WDR45B: variants seen among roughly 807,000 people sequenced by gnomAD.
WDR45B encodes the protein WD repeat domain phosphoinositide-interacting protein 3.
Under a neutral mutation model 44.6 loss-of-function variants are expected in WDR45B, and 20 were observed. That is an observed-to-expected ratio of 0.45 (90% CI 0.32 to 0.65). WDR45B has a LOEUF of 0.65. Ranked by LOEUF, WDR45B falls within the 30% of genes least tolerant of loss-of-function variation. The pLI, the probability that WDR45B is intolerant of heterozygous loss-of-function variation, is 0.05. For missense variants in WDR45B, 323 were observed against 430.2 expected (o/e 0.75, Z 2.20); for synonymous variants, 169 against 164.9 (o/e 1.02, Z -0.19).
At chr17:82,645,383 T>C (rs908395517) in intron 1 of WDR45B, among the ~76,000 whole-genome samples, 2 of 150,604 alleles carry the variant, frequency 1.3e-5, no homozygotes, top group East Asian at 2.0e-4. Flanking sequence ...AAATCCTCAA[T>C]AGAAAAATGG....
intron 4 of WDR45B, 172 bp downstream of exon 4, chr17:82,627,032 C>A: frequency 1.4e-6 from 1 of 693,360 alleles, no homozygotes. Context: ...CAATTCGCTG[C>A]CTTTCTTGCA....
At chr17:82,625,363 C>A in intron 5 of WDR45B, 26 bp downstream of exon 5, 1 of 1,609,406 alleles carries the variant, frequency 6.2e-7, no homozygotes, top group Non-Finnish European at 8.5e-7. Flanking sequence ...CATTTCCCAT[C>A]GCCACCCGTC....
rs1345042257 is a variant in WDR45B, at chr17:82,615,241, T to G, written c.*678A>C. 1.3e-5 allele frequency: 2 copies of G among 155,226 alleles called. No individual in the cohort carries two copies. The highest frequency in any genetic ancestry group is 2.9e-5 in the Non-Finnish European group (2 of 69,954). 9.6% of individuals were successfully genotyped at this position (155,226 alleles called of 1,614,324 possible). ...CTTCTAGAGTGGCCTGGTGTCTGCC[T>G]CATTCTAATGGCCCCAACGGAGACG... On this transcript the variant is annotated 3_prime_UTR_variant, in exon 10 of 10. Transcript: ENST00000392325.
intron 2 of WDR45B, among the ~76,000 whole-genome samples, chr17:82,637,822 G>T (rs2045854769): frequency 6.6e-6 from 1 of 151,878 alleles, no homozygotes. Context: ...CATGATATCA[G>T]CATTCCTTTC....
intron 3 of WDR45B, among the ~76,000 whole-genome samples, chr17:82,630,501 T>C (rs1185291437): frequency 1.3e-5 from 2 of 152,066 alleles, no homozygotes; most frequent in African/African-American, 4.8e-5. Flanking sequence ...ACACACGTAC[T>C]CCCACTCCGA....
chr17:82,642,598 A>C (rs1406841046), intron 2 of WDR45B, among the ~76,000 whole-genome samples: 1 of 152,220 alleles, frequency 6.6e-6, no homozygotes, highest in African/African-American at 2.4e-5. Context: ...GCCCAGACTC[A>C]TGCATGGTGG....
chr17:82,645,639 G>T (rs1046793717), intron 1 of WDR45B, among the ~76,000 whole-genome samples: 1 of 151,980 alleles, frequency 6.6e-6, no homozygotes, highest in African/African-American at 2.4e-5. Flanking sequence ...TCTACTCCTA[G>T]GTATATAGAA....
intron 1 of WDR45B, among the ~76,000 whole-genome samples, chr17:82,645,608 ACTAT>A (rs1418707936): frequency 6.6e-6 from 1 of 152,158 alleles, no homozygotes; most frequent in African/African-American, 2.4e-5. Flanking sequence ...AACTATTTGT[ACTAT>A]CTACTATACT....
At position 82,615,536 on chromosome 17, in the gene WDR45B, A is replaced by G. The variant is rs750683641; in HGVS notation, c.*383T>C. ...ACTCCCCCGCTGCAGACTCAGTAAG[A>G]ACGACGGAATCTGCTGCAAAAACAA... is the stretch of plus-strand genomic sequence containing the variant. On this transcript the variant is annotated 3_prime_UTR_variant, in exon 10 of 10. Transcript: ENST00000392325. 6.5e-6 allele frequency: 2 copies of G among 308,334 alleles called. No homozygotes were observed. The highest frequency in any genetic ancestry group is 6.3e-6 in the Non-Finnish European group (1 of 158,132). 19.1% of individuals were successfully genotyped at this position (308,334 alleles called of 1,614,324 possible).
At chr17:82,617,163 AT>A in intron 8 of WDR45B, 132 bp downstream of exon 8, 1 of 805,146 alleles carries the variant, frequency 1.2e-6, no homozygotes, top group South Asian at 1.5e-5. Flanking sequence ...AATGAAAAAG[AT>A]TTCAGCGCTG....
intron 7 of WDR45B, among the ~76,000 whole-genome samples, chr17:82,617,755 C>A (rs560519835): frequency 5.9e-5 from 9 of 152,290 alleles, no homozygotes; most frequent in African/African-American, 1.9e-4. Flanking sequence ...ACATTCTCTC[C>A]AATGATCCTG....
At chr17:82,636,623 A>G (rs1016522403) in intron 2 of WDR45B, 6 of 152,086 alleles carry the variant, frequency 3.9e-5, no homozygotes, top group African/African-American at 1.5e-4. Flanking sequence ...TACAAAGGAT[A>G]TTCGTTGTTA....
intron 2 of WDR45B, among the ~76,000 whole-genome samples, chr17:82,643,359 G>T (rs1441529856): frequency 6.6e-6 from 1 of 152,058 alleles, no homozygotes. Context: ...CTTGAACCCG[G>T]GAGGCGGAGG....
intron 2 of WDR45B, among the ~76,000 whole-genome samples, chr17:82,642,812 G>A (rs1004717824): frequency 6.6e-6 from 1 of 152,152 alleles, no homozygotes; most frequent in Non-Finnish European, 1.5e-5. Flanking sequence ...TGGCTGGGGG[G>A]TTTTTCCCAC....
intron 1 of WDR45B, among the ~76,000 whole-genome samples, chr17:82,644,948 G>A (rs2045957933): frequency 1.3e-5 from 2 of 152,026 alleles, no homozygotes; most frequent in African/African-American, 2.4e-5. Context: ...ATCACCTGAG[G>A]TCAGGAGTTC....
At chr17:82,630,491 A>G (rs779637167) in intron 3 of WDR45B, among the ~76,000 whole-genome samples, 20 of 152,094 alleles carry the variant, frequency 1.3e-4, no homozygotes, top group Non-Finnish European at 2.5e-4. Flanking sequence ...ATCTGCATAC[A>G]CACACGTACT....
At chr17:82,621,919 C>T (rs2045624284) in intron 5 of WDR45B, 120 bp from the exon 6 acceptor site, 2 of 1,134,860 alleles carry the variant, frequency 1.8e-6, no homozygotes, top group African/African-American at 3.1e-5. Flanking sequence ...AATATCAGAA[C>T]CACAAATTCA....
chr17:82,627,434 C>A (rs1022187850), intron 3 of WDR45B, 143 bp from the exon 4 acceptor site: 5 of 728,700 alleles, frequency 6.9e-6, no homozygotes, highest in Non-Finnish European at 1.2e-5. Context: ...CACACACCCG[C>A]ACCTGGGAGG....
At chr17:82,632,456 C>T (rs550665701) in intron 2 of WDR45B, among the ~76,000 whole-genome samples, 4 of 152,192 alleles carry the variant, frequency 2.6e-5, no homozygotes, top group Non-Finnish European at 4.4e-5. Context: ...TGTGAGCCAC[C>T]GAAGTCTGAA....
Sources: gnomAD v4.1 joint callset for allele counts (sites outside exome capture counted in the v4.1 genomes callset) on GRCh38, gnomAD v4.1.1 for gene constraint, MANE v1.5 for transcripts, NCBI Gene and HGNC (gene_info 2026-07-23, HGNC 2026-07-21) for gene names.